Variants in KCNG3 observed in about 807,000 individuals in gnomAD.
KCNG3 encodes the protein voltage-gated potassium channel regulatory subunit KCNG3.
KCNG3 carries 15 observed loss-of-function variants against 29.0 expected under a neutral mutation model. That is an observed-to-expected ratio of 0.52 (90% CI 0.35 to 0.80). The LOEUF is 0.80. KCNG3 is among the 30% of genes least tolerant of loss of function. The probability of loss-of-function intolerance (pLI) is 0.01; values close to 1 mark genes in which losing one functional copy is unlikely to be tolerated. For synonymous variants in KCNG3, 322 were observed against 248.9 expected (o/e 1.29, Z -2.76); for missense variants, 512 against 605.7 (o/e 0.85, Z 1.62).
intron 1 of KCNG3, among the ~76,000 whole-genome samples, chr2:42,478,670 G>C (rs1673503367): frequency 6.6e-6 from 1 of 152,136 alleles, no homozygotes; most frequent in Non-Finnish European, 1.5e-5. Flanking sequence ...GGCTGTGTTA[G>C]TTCTGTCCCC....
At chr2:42,475,017 A>C (rs1392092026) in intron 1 of KCNG3, among the ~76,000 whole-genome samples, 1 of 152,196 alleles carries the variant, frequency 6.6e-6, no homozygotes, top group Non-Finnish European at 1.5e-5. Flanking sequence ...TTGTGTCCTT[A>C]GCACACAGTA....
chr2:42,464,394 G>C (rs1030211847), intron 1 of KCNG3, among the ~76,000 whole-genome samples: 2 of 152,028 alleles, frequency 1.3e-5, no homozygotes, highest in African/African-American at 4.8e-5. Flanking sequence ...ACAAAGGTAG[G>C]GATATTTCAA....
intron 1 of KCNG3, among the ~76,000 whole-genome samples, chr2:42,477,873 C>T (rs970330232): frequency 1.7e-4 from 20 of 120,390 alleles, no homozygotes; most frequent in East Asian, 5.3e-4. Flanking sequence ...AGCAAGACCC[C>T]GTCTCAAAAA....
rs1674001657 is a variant in KCNG3 at position 42,493,926 on chromosome 2, C to T, written c.-425G>A. ...GAATAGCTCCCCGTCTCCGGCGCTC[C>T]CTGCGGCCGCGAATCCGGCGGCCGC... On this transcript the variant is annotated 5_prime_UTR_variant, in exon 1 of 2. Coordinates refer to ENST00000306078, the MANE Select transcript of KCNG3 (RefSeq NM_133329.6). The T allele has an allele frequency of 6.3e-6, 1 of 157,898 alleles. No individual in the cohort carries two copies. The highest frequency in any genetic ancestry group is 2.4e-5 in the African/African-American group (1 of 41,696). 9.8% of individuals were successfully genotyped at this position (157,898 alleles called of 1,614,324 possible).
intron 1 of KCNG3, among the ~76,000 whole-genome samples, chr2:42,490,394 G>A (rs1673843021): frequency 6.6e-6 from 1 of 151,890 alleles, no homozygotes; most frequent in South Asian, 2.1e-4. Context: ...TGACCAACAT[G>A]GAGAAACCCC....
the KCNG3 span, among the ~76,000 whole-genome samples, chr2:42,414,982 G>A: frequency 6.6e-6 from 1 of 151,992 alleles, no homozygotes; most frequent in Admixed American, 6.6e-5. Context: ...CTTTTAGATG[G>A]GCCTACTGTT....
chr2:42,399,446 T>C, the KCNG3 span, among the ~76,000 whole-genome samples: 1 of 152,172 alleles, frequency 6.6e-6, no homozygotes. Flanking sequence ...CTCTTTCAGC[T>C]TCAATTCTAA....
At chr2:42,424,520 T>C in the KCNG3 span, among the ~76,000 whole-genome samples, 1 of 152,182 alleles carries the variant, frequency 6.6e-6, no homozygotes, top group Admixed American at 6.5e-5. Context: ...TTAATTCTTT[T>C]AAATTTGTGA....
chr2:42,432,745 A>T, the KCNG3 span, among the ~76,000 whole-genome samples: 221 of 152,296 alleles, frequency 1.5e-3, no homozygotes, highest in African/African-American at 5.1e-3. Context: ...GAAACCATTA[A>T]ATATATACCA....
chr2:42,460,474 C>A (rs993913746), intron 1 of KCNG3, among the ~76,000 whole-genome samples: 1 of 152,128 alleles, frequency 6.6e-6, no homozygotes, highest in Non-Finnish European at 1.5e-5. Flanking sequence ...CCCTCCCTAA[C>A]AACAATCCAA....
chr2:42,456,262 C>T (rs898818745), intron 1 of KCNG3, among the ~76,000 whole-genome samples: 22 of 152,184 alleles, frequency 1.4e-4, no homozygotes, highest in Admixed American at 2.6e-4. Flanking sequence ...TGGCTCACAC[C>T]TGTAATCCCA....
intron 1 of KCNG3, among the ~76,000 whole-genome samples, chr2:42,461,614 A>T (rs768425241): frequency 3.4e-4 from 51 of 151,892 alleles, no homozygotes; most frequent in Non-Finnish European, 1.6e-4. Context: ...CACACTCTCC[A>T]CTCCGGGTGG....
chr2:42,397,610 G>C, the KCNG3 span, among the ~76,000 whole-genome samples: 20 of 152,198 alleles, frequency 1.3e-4, no homozygotes, highest in Non-Finnish European at 2.8e-4. Flanking sequence ...TAGGTATAAA[G>C]GTGACACACA....
At position 42,444,136 on chromosome 2, in the gene KCNG3, G is replaced by C; in HGVS notation, c.1109C>G (p.Ser370Cys). 2 of 1,614,192 alleles carry C rather than the reference G, an allele frequency of 1.2e-6. No homozygotes were observed. Among genetic ancestry groups the C allele is most frequent in the Non-Finnish European group, 1.7e-6 (2 of 1,180,032 alleles). ...IPAACWWVII[S>C]MTTVGYGDMY... is the part of the protein sequence containing the mutation. ...ATCTCCATAGCCAACTGTAGTCATA[G>C]AGATAATCACCCACCAGCAGGCAGC... Residue 370 changes from serine (S) to cysteine (C), a missense_variant, in exon 2 of 2, where the codon TCT becomes TGT. Transcript: ENST00000306078. The surrounding 1 kb of genome is among the most constrained non-coding windows in gnomAD (Gnocchi z 5.8).
chr2:42,443,849 G>T lies in KCNG3; in HGVS notation c.*85C>A. 1 of 1,308,332 alleles carries T rather than the reference G, an allele frequency of 7.6e-7. No homozygotes were observed. The allele number at this position is 1,308,332 out of a possible 1,614,324, so 81.0% of individuals were successfully genotyped here. A position where few individuals can be genotyped will look rare whatever the true frequency, so the allele number is the denominator to read the frequency against. ...CCAAGATGATGACAATGCCACTGCAGTGCTCACCCAGCAAGAAACACATAA... is the reference window on the plus strand; with the variant it reads ...CCAAGATGATGACAATGCCACTGCATTGCTCACCCAGCAAGAAACACATAA... On this transcript the variant is annotated 3_prime_UTR_variant, in exon 2 of 2. Coordinates refer to ENST00000306078, the MANE Select transcript of KCNG3 (RefSeq NM_133329.6).
At chr2:42,427,497 T>G in the KCNG3 span, among the ~76,000 whole-genome samples, 1 of 152,070 alleles carries the variant, frequency 6.6e-6, no homozygotes, top group Non-Finnish European at 1.5e-5. Context: ...TCCCAGCTAC[T>G]TGGGAGGCTG....
the KCNG3 span, among the ~76,000 whole-genome samples, chr2:42,424,552 T>A: frequency 3.3e-5 from 5 of 152,242 alleles, no homozygotes; most frequent in East Asian, 7.7e-4. Flanking sequence ...ACACATAATG[T>A]TCAGTCTGAC....
At chr2:42,455,983 A>G (rs1004184771) in intron 1 of KCNG3, among the ~76,000 whole-genome samples, 3 of 149,586 alleles carry the variant, frequency 2.0e-5, no homozygotes, top group African/African-American at 7.3e-5. Flanking sequence ...AATATATAGT[A>G]TATTTTAAAT....
In KCNG3 at chr2:42,443,110, T is replaced by A. The variant is rs988474131; in HGVS notation, c.*824A>T. On this transcript the variant is annotated 3_prime_UTR_variant, in exon 2 of 2. Coordinates refer to ENST00000306078, the MANE Select transcript of KCNG3 (RefSeq NM_133329.6). ...TTGAGTCATCTCAAATTATTCCTAT[T>A]ATAATTTTTATGTTGGAAGTATTCT... The A allele has an allele frequency of 3.3e-5, 5 of 152,180 alleles. No homozygotes were observed. The highest frequency in any genetic ancestry group is 1.2e-4 in the African/African-American group (5 of 41,448). 9.4% of individuals were successfully genotyped at this position (152,180 alleles called of 1,614,324 possible). A position where few individuals can be genotyped will look rare whatever the true frequency, so the allele number is the denominator to read the frequency against.
Sources: gnomAD v4.1 joint callset for allele counts (sites outside exome capture counted in the v4.1 genomes callset) on GRCh38, gnomAD v4.1.1 for gene constraint, Gnocchi (gnomAD v3.1) non-coding constraint, MANE v1.5 for transcripts, NCBI Gene and HGNC (gene_info 2026-07-23, HGNC 2026-07-21) for gene names.